Variants in CFAP77 observed in about 807,000 individuals in gnomAD.
CFAP77 encodes cilia and flagella associated protein 77, also known as cilia- and flagella-associated protein 77.
In CFAP77, 25 loss-of-function variants were observed where a neutral mutation model predicts 31.1. That is an observed-to-expected ratio of 0.80 (90% CI 0.59 to 1.12). The LOEUF is 1.12. CFAP77 is among the 50% of genes most tolerant of loss of function. The probability of loss-of-function intolerance (pLI) is 0.00; values close to 1 mark genes in which losing one functional copy is unlikely to be tolerated. For synonymous variants in CFAP77, 151 were observed against 159.9 expected (o/e 0.94, Z 0.42); for missense variants, 377 against 397.3 (o/e 0.95, Z 0.44).
intron 1 of CFAP77, among the ~76,000 whole-genome samples, chr9:132,457,513 G>A (rs1372991821): frequency 1.3e-5 from 2 of 152,094 alleles, no homozygotes; most frequent in East Asian, 3.9e-4. Flanking sequence ...CCCAGAAATG[G>A]GGTTTATAAA....
chr9:132,450,223 C>T (rs1850802992), intron 1 of CFAP77, among the ~76,000 whole-genome samples: 3 of 152,014 alleles, frequency 2.0e-5, no homozygotes, highest in African/African-American at 7.2e-5. Flanking sequence ...AGCCACCACG[C>T]CCGGCCGATT....
chr9:132,415,794 G>A (rs866137800), intron 1 of CFAP77, among the ~76,000 whole-genome samples: 1 of 152,148 alleles, frequency 6.6e-6, no homozygotes. Flanking sequence ...TCAAAACCCC[G>A]TTTTCTATTG....
At chr9:132,447,202 T>C (rs1451448048) in intron 1 of CFAP77, among the ~76,000 whole-genome samples, 3 of 152,240 alleles carry the variant, frequency 2.0e-5, no homozygotes, top group Non-Finnish European at 2.9e-5. Flanking sequence ...TTCTGCATTT[T>C]ATGTTTTCCC....
chr9:132,483,276 C>CA (rs1284523681), intron 1 of CFAP77, among the ~76,000 whole-genome samples: 2 of 133,202 alleles, frequency 1.5e-5, no homozygotes, highest in East Asian at 2.2e-4. Context: ...TGTCTTAAAA[C>CA]AAAAAAACAA....
intron 1 of CFAP77, among the ~76,000 whole-genome samples, chr9:132,421,158 C>T (rs971808584): frequency 6.6e-6 from 1 of 152,114 alleles, no homozygotes; most frequent in Non-Finnish European, 1.5e-5. Flanking sequence ...CAGGCGCCTG[C>T]CACCATACCC....
chr9:132,525,468 G>A (rs1413232400), intron 3 of CFAP77, among the ~76,000 whole-genome samples: 1 of 152,138 alleles, frequency 6.6e-6, no homozygotes, highest in Non-Finnish European at 1.5e-5. Flanking sequence ...AGTTTGTACA[G>A]AGAAAACCCA....
chr9:132,410,342 C>G lies in CFAP77; in HGVS notation c.71C>G (p.Thr24Arg). The G allele has an allele frequency of 6.3e-7, 1 of 1,598,036 alleles. No individual in the cohort carries two copies. Among genetic ancestry groups the G allele is most frequent in the Non-Finnish European group, 8.5e-7 (1 of 1,173,552 alleles). The change falls in exon 1 of 6, where the codon ACG becomes AGG. Residue 24 changes from threonine to arginine, a missense_variant. By Grantham distance (71) the Thr-to-Arg change is moderately conservative. Coordinates refer to ENST00000393216, the MANE Select transcript of CFAP77 (RefSeq NM_001282957.2). ...AAGCAGCAGCAGCCTGTGCGCCGCA[C>G]GGTCAGCCAGGTCTGCCCGCCCCCG... ...WRKQQQPVRR[T>R]VSQVCPPPRR...
chr9:132,428,343 G>A (rs1173182018), intron 1 of CFAP77, among the ~76,000 whole-genome samples: 2 of 151,888 alleles, frequency 1.3e-5, no homozygotes, highest in Non-Finnish European at 2.9e-5. Flanking sequence ...GCAAGGAGCC[G>A]GGCACAGTGG....
intron 5 of CFAP77, among the ~76,000 whole-genome samples, chr9:132,543,787 C>T (rs1852686404): frequency 6.6e-6 from 1 of 152,204 alleles, no homozygotes; most frequent in African/African-American, 2.4e-5. Context: ...CAGAACTCAA[C>T]CGGTGTTCAC....
intron 5 of CFAP77, among the ~76,000 whole-genome samples, chr9:132,559,270 G>A (rs1404170215): frequency 5.4e-5 from 8 of 147,478 alleles, no homozygotes; most frequent in South Asian, 4.3e-4. Context: ...GCATGAACCC[G>A]GGAGGCGGAG....
At chr9:132,458,990 C>T (rs890765943) in intron 1 of CFAP77, among the ~76,000 whole-genome samples, 13 of 152,122 alleles carry the variant, frequency 8.5e-5, no homozygotes, top group African/African-American at 3.1e-4. Context: ...AGAAAATTTC[C>T]TTCGGGGTAA....
rs1850274702 is a variant in CFAP77, at chr9:132,424,130, G to A, written c.195+13664G>A. On this transcript the variant is annotated intron_variant, in intron 1 of 5. Coordinates refer to ENST00000393216, the MANE Select transcript of CFAP77 (RefSeq NM_001282957.2). This position sits in a 1 kb window ranked among gnomAD's most constrained non-coding sequence, Gnocchi z 4.1. Reference sequence around the variant, plus strand: ...CTGTTAAAAAAAGAGTTAGGAGGCCGGGTGTGGTGGCTCACGCCTGTAATC... The same window carrying A: ...CTGTTAAAAAAAGAGTTAGGAGGCCAGGTGTGGTGGCTCACGCCTGTAATC... Among the ~76,000 whole-genome samples the A allele has an allele frequency of 6.6e-6, 1 of 152,350 alleles. No individual in the cohort carries two copies. Among genetic ancestry groups the A allele is most frequent in the Non-Finnish European group, 1.5e-5 (1 of 68,030 alleles).
intron 1 of CFAP77, among the ~76,000 whole-genome samples, chr9:132,427,244 T>C (rs779831677): frequency 1.4e-4 from 22 of 152,200 alleles, no homozygotes; most frequent in Non-Finnish European, 7.3e-5. Flanking sequence ...AATGAGGTAA[T>C]TAGCTGTTCC....
chr9:132,553,518 T>C (rs1852853020), intron 5 of CFAP77, among the ~76,000 whole-genome samples: 1 of 152,240 alleles, frequency 6.6e-6, no homozygotes, highest in Non-Finnish European at 1.5e-5. Context: ...CTTTTTCAAG[T>C]GCAGTGGAAA....
intron 1 of CFAP77, among the ~76,000 whole-genome samples, chr9:132,485,993 T>C (rs1261270043): frequency 4.4e-4 from 2 of 4,516 alleles, no homozygotes; most frequent in African/African-American, 2.1e-3. Flanking sequence ...CTCATATATA[T>C]ATATATATAT....
At chr9:132,513,144 C>G in intron 3 of CFAP77, 1 of 1,155,056 alleles carries the variant, frequency 8.7e-7, no homozygotes, top group East Asian at 2.6e-5. Context: ...TCCAGCTCCT[C>G]AAGCACACAA....
intron 1 of CFAP77, among the ~76,000 whole-genome samples, chr9:132,418,833 G>A (rs1008829924): frequency 3.9e-5 from 6 of 152,308 alleles, no homozygotes; most frequent in Middle Eastern, 3.4e-3. Flanking sequence ...GTTTGGTTTG[G>A]TTTTGTTTTC....
chr9:132,557,361 G>A (rs1001445023), intron 5 of CFAP77, among the ~76,000 whole-genome samples: 4 of 152,214 alleles, frequency 2.6e-5, no homozygotes, highest in Non-Finnish European at 4.4e-5. Flanking sequence ...CAGAGCCACC[G>A]CCGTGGGGGC....
At chr9:132,420,615 C>T (rs938213015) in intron 1 of CFAP77, among the ~76,000 whole-genome samples, 1 of 151,250 alleles carries the variant, frequency 6.6e-6, no homozygotes, top group African/African-American at 2.4e-5. Flanking sequence ...GAGCCAAGAT[C>T]GCGCCATTGC....
Sources: gnomAD v4.1 joint callset for allele counts (sites outside exome capture counted in the v4.1 genomes callset) on GRCh38, gnomAD v4.1.1 for gene constraint, Gnocchi (gnomAD v3.1) non-coding constraint, MANE v1.5 for transcripts, NCBI Gene and HGNC (gene_info 2026-07-23, HGNC 2026-07-21) for gene names.